CHN2: variants seen among roughly 807,000 people sequenced by gnomAD.
CHN2 encodes beta-chimaerin.
Under a neutral mutation model 56.3 loss-of-function variants are expected in CHN2, and 35 were observed. The ratio of observed to expected loss-of-function variants is 0.62; its 90% CI spans 0.47 to 0.82. The LOEUF (loss-of-function observed/expected upper bound fraction) is 0.82, where lower values mean the gene tolerates loss of function less well. CHN2 is among the 40% of genes least tolerant of loss of function. The pLI is 0.00. For synonymous variants in CHN2, 210 were observed against 212.8 expected (o/e 0.99, Z 0.12); for missense variants, 491 against 580.5 (o/e 0.85, Z 1.58).
At chr7:29,255,990 C>T (rs1465390605) in intron 1 of CHN2, among the ~76,000 whole-genome samples, 2 of 152,212 alleles carry the variant, frequency 1.3e-5, no homozygotes, top group Non-Finnish European at 2.9e-5. Context: ...TCCAATTTAC[C>T]TTTCCTTTGG....
At chr7:29,293,956 T>TC (rs1362593746) in intron 1 of CHN2, among the ~76,000 whole-genome samples, 2 of 133,944 alleles carry the variant, frequency 1.5e-5, no homozygotes, top group African/African-American at 2.8e-5. Flanking sequence ...AAGCTCCGCC[T>TC]CCCGGGTTCA....
chr7:29,198,054 T>C (rs1783884967), intron 1 of CHN2: 1 of 456,254 alleles, frequency 2.2e-6, no homozygotes, highest in Non-Finnish European at 4.4e-6. Flanking sequence ...AGCAGCATCA[T>C]GCACAGAGCT....
intron 1 of CHN2, among the ~76,000 whole-genome samples, chr7:29,282,496 A>G (rs890612750): frequency 3.3e-5 from 5 of 152,220 alleles, no homozygotes; most frequent in Non-Finnish European, 7.3e-5. Flanking sequence ...TTCACTTTGC[A>G]CTATAGAAGC....
chr7:29,206,179 T>C (rs905491407), intron 1 of CHN2, among the ~76,000 whole-genome samples: 5 of 152,080 alleles, frequency 3.3e-5, no homozygotes, highest in Non-Finnish European at 7.4e-5. Flanking sequence ...GTCATAGGAG[T>C]GCAACTGTAG....
chr7:29,323,361 G>C (rs917621637), intron 1 of CHN2, among the ~76,000 whole-genome samples: 7 of 151,992 alleles, frequency 4.6e-5, no homozygotes, highest in African/African-American at 1.7e-4. Context: ...TCCTCCAGAC[G>C]TATTCCAATC....
At position 29,183,081 on chromosome 7, in the gene CHN2, C is replaced by CT. The variant is rs34942216; in HGVS notation, c.274+36141dup. ...GAAGGCAACTGGAAAACATGGCAGA[C>CT]TTTTTTTTTTTTTTTTTTTTGAAAC... is the stretch of plus-strand genomic sequence containing the variant. On this transcript the variant is annotated intron_variant, in intron 2 of 6. Transcript: ENST00000439384. Among the ~76,000 whole-genome samples the CT allele has an allele frequency of 7.6e-3, 996 of 131,856 alleles. 16 individuals are homozygous for CT. Among genetic ancestry groups the CT allele is most frequent in the African/African-American group, 0.024 (852 of 34,940 alleles). The allele number at this position is 131,856 out of a possible 152,430, so 86.5% of individuals were successfully genotyped here.
intron 1 of CHN2, among the ~76,000 whole-genome samples, chr7:29,292,449 G>A (rs969371156): frequency 2.0e-5 from 3 of 152,192 alleles, no homozygotes; most frequent in African/African-American, 7.2e-5. Context: ...GATCTTGGAA[G>A]GCTTGAAATA....
chr7:29,264,861 A>T (rs1789996214), intron 1 of CHN2, among the ~76,000 whole-genome samples: 1 of 147,406 alleles, frequency 6.8e-6, no homozygotes, highest in African/African-American at 2.6e-5. Context: ...AAGTCAATTG[A>T]CTGTTAAAAG....
At chr7:29,315,820 A>G (rs1249699409) in intron 1 of CHN2, among the ~76,000 whole-genome samples, 2 of 152,216 alleles carry the variant, frequency 1.3e-5, no homozygotes, top group South Asian at 2.1e-4. Context: ...ATTTTTTTAA[A>G]TCGTGAAAAT....
At chr7:29,358,802 C>T (rs1301796273) in intron 2 of CHN2, among the ~76,000 whole-genome samples, 1 of 152,182 alleles carries the variant, frequency 6.6e-6, no homozygotes, top group East Asian at 1.9e-4. Context: ...ACGTTTTATT[C>T]TTGGCTGCAA....
intron 1 of CHN2, among the ~76,000 whole-genome samples, chr7:29,235,545 C>T (rs1327555525): frequency 6.6e-6 from 1 of 152,104 alleles, no homozygotes; most frequent in Non-Finnish European, 1.5e-5. Flanking sequence ...GATATATACC[C>T]CCCAAAATAT....
chr7:29,391,471 C>A (rs561499539), intron 3 of CHN2, among the ~76,000 whole-genome samples: 1 of 152,202 alleles, frequency 6.6e-6, no homozygotes, highest in South Asian at 2.1e-4. Context: ...TACAAGGAAT[C>A]ATGTATTAGT....
intron 1 of CHN2, among the ~76,000 whole-genome samples, chr7:29,266,895 C>T (rs2128840435): frequency 6.6e-6 from 1 of 152,310 alleles, no homozygotes. Flanking sequence ...CTAGGCTGGG[C>T]CTCTGTCTCC....
chr7:29,221,902 A>T (rs1272317932), intron 1 of CHN2, among the ~76,000 whole-genome samples: 1 of 152,188 alleles, frequency 6.6e-6, no homozygotes, highest in African/African-American at 2.4e-5. Context: ...TGCTGTTGTG[A>T]ATAGTGCTGC....
At chr7:29,310,290 C>G (rs1329099058) in intron 1 of CHN2, among the ~76,000 whole-genome samples, 1 of 151,978 alleles carries the variant, frequency 6.6e-6, no homozygotes, top group Non-Finnish European at 1.5e-5. Flanking sequence ...ATACTTGAAG[C>G]CATTAAAATT....
intron 1 of CHN2, among the ~76,000 whole-genome samples, chr7:29,234,259 T>C (rs932793917): frequency 5.5e-5 from 7 of 127,166 alleles, no homozygotes; most frequent in African/African-American, 9.0e-5. Flanking sequence ...GAAACTGATA[T>C]AGTGACCGAG....
intron 1 of CHN2, among the ~76,000 whole-genome samples, chr7:29,312,452 T>G (rs527954885): frequency 7.0e-4 from 106 of 152,298 alleles, no homozygotes; most frequent in Non-Finnish European, 8.1e-4. Flanking sequence ...CTGACCAAAG[T>G]GTGTGTCACC....
chr7:29,372,471 T>C (rs911339923), intron 3 of CHN2, among the ~76,000 whole-genome samples: 1 of 152,194 alleles, frequency 6.6e-6, no homozygotes, highest in Non-Finnish European at 1.5e-5. Flanking sequence ...TATTTGATTG[T>C]TGCTTGTATA....
exon 1 of CHN2, chr7:29,146,665 G>C: frequency 1.9e-6 from 3 of 1,550,604 alleles, no homozygotes; most frequent in Non-Finnish European, 2.6e-6. Context: ...TCAAGTCAGC[G>C]CTTCCCATGC....
Sources: allele counts gnomAD v4.1 joint callset (sites outside exome capture counted in the v4.1 genomes callset), GRCh38; gene constraint gnomAD v4.1.1; transcripts MANE v1.5; gene names NCBI Gene and HGNC (gene_info 2026-07-23, HGNC 2026-07-21).